The following PRRC2B variants were observed in gnomAD, a reference collection of about 807,000 sequenced individuals.
PRRC2B encodes the protein proline rich coiled-coil 2B.
A neutral mutation model predicts 242.3 loss-of-function variants in PRRC2B; 68 were observed. That is an observed-to-expected ratio of 0.28 (90% CI 0.23 to 0.34). The LOEUF is 0.34. PRRC2B is among the 10% of genes least tolerant of loss of function. PRRC2B has a pLI of 1.00. For missense variants in PRRC2B, 2,835 were observed against 2,954.8 expected (o/e 0.96, Z 0.94); for synonymous variants, 1,228 against 1,173.6 (o/e 1.05, Z -0.95).
At chr9:131,416,023 G>A (rs1334818264) in intron 1 of PRRC2B, among the ~76,000 whole-genome samples, 5 of 151,410 alleles carry the variant, frequency 3.3e-5, no homozygotes, top group Non-Finnish European at 5.9e-5. Flanking sequence ...CTTTGATTTT[G>A]GGGGTAGGAT....
intron 12 of PRRC2B, among the ~76,000 whole-genome samples, chr9:131,466,220 C>G (rs897190727): frequency 2.0e-5 from 3 of 152,186 alleles, no homozygotes. Context: ...GCCCTTCTGG[C>G]CAGGGAACTC....
rs759767633 is a variant in PRRC2B at position 131,488,034 on chromosome 9, G to A, written c.6163G>A (p.Gly2055Ser). The A allele has an allele frequency of 1.2e-6, 2 of 1,612,918 alleles. No individual in the cohort carries two copies. The highest frequency in any genetic ancestry group is 2.2e-5 in the East Asian group (1 of 44,838). The change falls in exon 28 of 32, where the codon GGC becomes AGC. Residue 2055 changes from glycine to serine, a missense_variant. By Grantham distance (56) the Gly-to-Ser change is moderately conservative. Coordinates refer to ENST00000683519, the MANE Select transcript of PRRC2B (RefSeq NM_013318.4). Reference protein sequence around the residue: ...MSGNQALVYEGQLSQAAGLGA... With the variant: ...MSGNQALVYESQLSQAAGLGA... ...CGGGAACCAAGCCCTGGTCTACGAGGGCCAGCTCAGCCAGGCTGCTGGCCT... is the reference window on the plus strand; with the variant it reads ...CGGGAACCAAGCCCTGGTCTACGAGAGCCAGCTCAGCCAGGCTGCTGGCCT...
intron 10 of PRRC2B, among the ~76,000 whole-genome samples, chr9:131,456,245 G>T (rs1252209423): frequency 6.9e-6 from 1 of 144,648 alleles, no homozygotes; most frequent in Non-Finnish European, 1.5e-5. Flanking sequence ...CATTTCCTTG[G>T]ACTAGTTTAG....
chr9:131,486,562 G>A, intron 26 of PRRC2B: 1 of 982,790 alleles, frequency 1.0e-6, no homozygotes, highest in Non-Finnish European at 1.2e-6. Flanking sequence ...AAATGAGCAG[G>A]CGTTGGTTAT....
chr9:131,495,469 G>A (rs1944307743), intron 31 of PRRC2B, among the ~76,000 whole-genome samples: 1 of 152,190 alleles, frequency 6.6e-6, no homozygotes. Context: ...CCTGGGATGT[G>A]CCATCGCGGA....
chr9:131,460,920 G>A (rs925318819), intron 11 of PRRC2B, among the ~76,000 whole-genome samples: 2 of 152,132 alleles, frequency 1.3e-5, no homozygotes, highest in African/African-American at 4.8e-5. Context: ...CACTGCTTCC[G>A]GGCCTCCTCA....
chr9:131,488,057 C>T lies in PRRC2B; in HGVS notation c.6186C>T (p.Gly2062=). 1 of 1,613,312 alleles carries T rather than the reference C, an allele frequency of 6.2e-7. No homozygotes were observed. Among genetic ancestry groups the T allele is most frequent in the Admixed American group, 1.7e-5 (1 of 59,956 alleles). Residue 2062 remains glycine, a synonymous_variant, in exon 28 of 32, where the codon GGC becomes GGT. Transcript: ENST00000683519. The stretch of plus-strand genomic sequence containing the variant: ...AGGGCCAGCTCAGCCAGGCTGCTGG[C>T]CTGGGTGCCTCCCAGATGTTGGACT... ...VYEGQLSQAA[G]LGASQMLDSQ...
At position 131,476,181 on chromosome 9, in the gene PRRC2B, G is replaced by A. The variant is rs1564297027; in HGVS notation, c.4052G>A (p.Ser1351Asn). The part of the protein sequence containing the change: ...GRPKLCSGDK[S>N]GTVGRRSPEL... ...CCCAAACTGTGTTCTGGGGACAAGA[G>A]TGGCACTGTGGGCCGCAGGTCCCCT... The change falls in exon 16 of 32, where the codon AGT becomes AAT. Residue 1351 changes from serine to asparagine, a missense_variant. Ser to Asn is a conservative substitution (Grantham distance 46). This residue lies in a region of PRRC2B where 1,536 missense variants were observed against 1,483.1 expected (regional missense o/e 1.04). Coordinates refer to ENST00000683519, the MANE Select transcript of PRRC2B (RefSeq NM_013318.4). 11 of 1,613,438 alleles carry A rather than the reference G, an allele frequency of 6.8e-6. No individual in the cohort carries two copies. The highest frequency in any genetic ancestry group is 9.3e-6 in the Non-Finnish European group (11 of 1,179,896).
intron 16 of PRRC2B, 59 bp from the exon 17 acceptor site, chr9:131,477,685 C>G: frequency 2.0e-6 from 2 of 1,016,350 alleles, no homozygotes; most frequent in Non-Finnish European, 3.0e-6. Context: ...GCTGTGTGCA[C>G]GTGCGGTGTT....
At position 131,478,517 on chromosome 9, in the gene PRRC2B, T is replaced by C. The variant is rs749154024; in HGVS notation, c.4656T>C (p.Ser1552=). The change falls in exon 18 of 32, where the codon AGT becomes AGC. Residue 1552 remains serine, a synonymous_variant. Coordinates refer to ENST00000683519, the MANE Select transcript of PRRC2B (RefSeq NM_013318.4). ...ENCGSSPGEE[S]EVGSMVGEGF... is the part of the protein sequence containing the mutation. ...GCGGGTCCAGCCCCGGGGAGGAGAG[T>C]GAGGTGGGTTCTATGGTGGGCGAAG... 1.6e-5 allele frequency: 25 copies of C among 1,609,932 alleles called. No individual in the cohort carries two copies. Among genetic ancestry groups the C allele is most frequent in the Admixed American group, 1.7e-5 (1 of 59,534 alleles).
In PRRC2B at chr9:131,487,979, G is replaced by T; in HGVS notation, c.6108G>T (p.Pro2036=). 6.2e-7 allele frequency: 1 copy of T among 1,612,044 alleles called. No individual in the cohort carries two copies. The highest frequency in any genetic ancestry group is 8.5e-7 in the Non-Finnish European group (1 of 1,179,022). ...TGCAGCCCTTGGAGATGGTGAAGCC[G>T]CAGTCTGGCTCACCCTACCAGCCCA... The part of the protein sequence containing the change: ...PGMQPLEMVK[P]QSGSPYQPMS... Residue 2036 remains proline (P), a synonymous_variant, in exon 28 of 32, where the codon CCG becomes CCT. Coordinates refer to ENST00000683519, the MANE Select transcript of PRRC2B (RefSeq NM_013318.4). The surrounding 1 kb of genome is among the most constrained non-coding windows in gnomAD (Gnocchi z 5.3).
intron 1 of PRRC2B, among the ~76,000 whole-genome samples, chr9:131,403,756 A>C (rs564781696): frequency 6.6e-6 from 1 of 152,010 alleles, no homozygotes; most frequent in South Asian, 2.1e-4. Flanking sequence ...TTATTGATAA[A>C]TTTGCTTTGT....
chr9:131,484,134 G>C (rs1200578126), intron 23 of PRRC2B, among the ~76,000 whole-genome samples: 1 of 152,234 alleles, frequency 6.6e-6, no homozygotes, highest in Non-Finnish European at 1.5e-5. Context: ...GTCACATGCA[G>C]ATGGACACCG....
upstream of PRRC2B, among the ~76,000 whole-genome samples, chr9:131,391,603 C>T (rs1836900142): frequency 6.6e-6 from 1 of 152,154 alleles, no homozygotes; most frequent in South Asian, 2.1e-4. Flanking sequence ...TACTTTTCTT[C>T]TCTGTTGGAT....
chr9:131,433,803 T>C (rs1208842489), intron 3 of PRRC2B, among the ~76,000 whole-genome samples: 6 of 152,228 alleles, frequency 3.9e-5, no homozygotes, highest in Non-Finnish European at 5.9e-5. Flanking sequence ...GTAGCTTTTG[T>C]AAAATTGTTG....
intron 14 of PRRC2B, among the ~76,000 whole-genome samples, chr9:131,471,796 A>G (rs936685029): frequency 2.0e-5 from 3 of 152,184 alleles, no homozygotes; most frequent in Middle Eastern, 3.2e-3. Context: ...ATTCTTTTTT[A>G]ACATTCTACA....
intron 1 of PRRC2B, among the ~76,000 whole-genome samples, chr9:131,394,624 G>C (rs966140236): frequency 1.3e-5 from 2 of 151,202 alleles, no homozygotes; most frequent in African/African-American, 4.8e-5. Flanking sequence ...CCGGAGGGGC[G>C]GGGGTCCCGG....
intron 29 of PRRC2B, 124 bp downstream of exon 29, chr9:131,491,704 G>A: frequency 1.1e-6 from 1 of 941,856 alleles, no homozygotes. Flanking sequence ...AGGGCAGAAA[G>A]GAAGGTGACC....
At chr9:131,452,105 AGTATAAGATTGGTATTTTTGTAAGATC>A (rs1564288318) in intron 9 of PRRC2B, among the ~76,000 whole-genome samples, 3 of 5,274 alleles carry the variant, frequency 5.7e-4, no homozygotes, top group Non-Finnish European at 1.7e-3. Flanking sequence ...TTGTAAGATC[AGTATAAGATTGGTATTTTTGTAAGATC>A]AGTATTATAT....
Sources: allele counts gnomAD v4.1 joint callset (sites outside exome capture counted in the v4.1 genomes callset), GRCh38; gene constraint gnomAD v4.1.1; regional missense constraint gnomAD v4.1.1; non-coding constraint Gnocchi (gnomAD v3.1); transcripts MANE v1.5; gene names NCBI Gene and HGNC (gene_info 2026-07-23, HGNC 2026-07-21).